SPATS2L: variants seen among roughly 807,000 people sequenced by gnomAD.
SPATS2L encodes spermatogenesis associated serine rich 2 like.
In SPATS2L, 30 loss-of-function variants were observed where a neutral mutation model predicts 59.6. That is an observed-to-expected ratio of 0.50 (90% CI 0.38 to 0.68). SPATS2L has a LOEUF of 0.68. SPATS2L is among the 30% of genes least tolerant of loss of function. The pLI is 0.00. For synonymous variants in SPATS2L, 252 were observed against 263.5 expected, an observed-to-expected ratio of 0.96 and a Z score of 0.42; for missense variants, 615 against 700.0, an observed-to-expected ratio of 0.88 and a Z score of 1.37.
rs146822617 is a variant in SPATS2L at position 200,412,633 on chromosome 2, C to T, written c.148+214C>T. 1.6e-3 allele frequency among the ~76,000 whole-genome samples: 237 copies of T among 150,246 alleles called. 2 individuals carry two copies. Among genetic ancestry groups the T allele is most frequent in the African/African-American group, 5.5e-3 (224 of 40,986 alleles). ...AAAAAAAAAAAAAAATAGACACACT[C>T]AATAAGAATAGAATTTGGAAGTTCT... On this transcript the variant is annotated intron_variant, in intron 4 of 12. Coordinates refer to ENST00000409140, the MANE Select transcript of SPATS2L (RefSeq NM_001100423.2).
chr2:200,313,724 C>T (rs554911424), intron 1 of SPATS2L, among the ~76,000 whole-genome samples: 8 of 152,190 alleles, frequency 5.3e-5, no homozygotes, highest in Non-Finnish European at 1.2e-4. Flanking sequence ...TACAGGTCCT[C>T]GTACACATCC....
At chr2:200,323,800 A>G (rs556563520) in intron 1 of SPATS2L, among the ~76,000 whole-genome samples, 1 of 152,342 alleles carries the variant, frequency 6.6e-6, no homozygotes, top group African/African-American at 2.4e-5. Context: ...TTACTCTTCA[A>G]TAAGAAAGGC....
At chr2:200,360,064 A>G (rs1490462644) in intron 2 of SPATS2L, among the ~76,000 whole-genome samples, 1 of 152,216 alleles carries the variant, frequency 6.6e-6, no homozygotes, top group Non-Finnish European at 1.5e-5. Context: ...ATATATTAAT[A>G]CAGAAGCACA....
intron 3 of SPATS2L, among the ~76,000 whole-genome samples, chr2:200,391,663 A>G (rs1488755202): frequency 6.6e-6 from 1 of 152,216 alleles, no homozygotes; most frequent in Non-Finnish European, 1.5e-5. Context: ...ACTGTGCTAC[A>G]TATTTTATAA....
intron 1 of SPATS2L, among the ~76,000 whole-genome samples, chr2:200,328,336 A>G (rs755671893): frequency 1.3e-5 from 2 of 152,164 alleles, no homozygotes; most frequent in African/African-American, 4.8e-5. Context: ...GGTGCCTAAC[A>G]TTGTGTTCAG....
At chr2:200,341,846 C>T (rs764828421) in intron 2 of SPATS2L, among the ~76,000 whole-genome samples, 1 of 151,824 alleles carries the variant, frequency 6.6e-6, no homozygotes, top group East Asian at 1.9e-4. Flanking sequence ...CCTGCCACCA[C>T]GCCCAGATAT....
intron 3 of SPATS2L, among the ~76,000 whole-genome samples, chr2:200,397,241 C>T (rs567960099): frequency 2.6e-5 from 4 of 152,296 alleles, no homozygotes; most frequent in African/African-American, 9.6e-5. Flanking sequence ...CTAAAGAATA[C>T]AAGAGCATGT....
chr2:200,389,081 T>C, intron 2 of SPATS2L, 142 bp from the exon 3 acceptor site: 1 of 600,240 alleles, frequency 1.7e-6, no homozygotes. Flanking sequence ...AGTCAGATGC[T>C]TAGCTTGAAA....
At chr2:200,368,085 A>G (rs1198950004) in intron 2 of SPATS2L, among the ~76,000 whole-genome samples, 1 of 152,206 alleles carries the variant, frequency 6.6e-6, no homozygotes, top group East Asian at 1.9e-4. Flanking sequence ...ACAGAAGGGA[A>G]ATGAGCTTTT....
At chr2:200,471,371 A>G (rs1343791802) in intron 11 of SPATS2L, among the ~76,000 whole-genome samples, 1 of 151,882 alleles carries the variant, frequency 6.6e-6, no homozygotes, top group Non-Finnish European at 1.5e-5. Context: ...CCTCTTTTCC[A>G]CTTCAGCCCT....
At chr2:200,418,348 G>A (rs1301136230) in intron 5 of SPATS2L, among the ~76,000 whole-genome samples, 2 of 152,090 alleles carry the variant, frequency 1.3e-5, no homozygotes, top group East Asian at 3.9e-4. Flanking sequence ...AGAGGCAAGA[G>A]AATCACTTGA....
chr2:200,406,911 T>C (rs2082706075), intron 3 of SPATS2L, among the ~76,000 whole-genome samples: 1 of 152,138 alleles, frequency 6.6e-6, no homozygotes. Context: ...AGTTACACCA[T>C]AGAGAAGGGA....
chr2:200,316,082 G>C (rs957713328), intron 1 of SPATS2L, among the ~76,000 whole-genome samples: 2 of 150,504 alleles, frequency 1.3e-5, no homozygotes, highest in African/African-American at 4.9e-5. Context: ...CGATGGAAAA[G>C]CCAACCTGTG....
intron 3 of SPATS2L, among the ~76,000 whole-genome samples, chr2:200,396,011 GA>G (rs1218853084): frequency 0.024 from 249 of 10,594 alleles, 2 homozygotes; most frequent in South Asian, 0.051. Context: ...ACTCGATCTG[GA>G]AAAAAAAAAA....
intron 4 of SPATS2L, among the ~76,000 whole-genome samples, chr2:200,413,223 A>G (rs1239611225): frequency 6.6e-6 from 1 of 152,170 alleles, no homozygotes; most frequent in African/African-American, 2.4e-5. Context: ...GTCTAAGAGG[A>G]CTGGTTTATT....
intron 2 of SPATS2L, among the ~76,000 whole-genome samples, chr2:200,341,283 C>A (rs1227591923): frequency 6.6e-6 from 1 of 152,162 alleles, no homozygotes; most frequent in African/African-American, 2.4e-5. Context: ...GGCAGTGTGA[C>A]TTCAGCACCT....
At chr2:200,332,171 AGGG>A (rs2079966130) in intron 2 of SPATS2L, among the ~76,000 whole-genome samples, 2 of 151,136 alleles carry the variant, frequency 1.3e-5, no homozygotes, top group Non-Finnish European at 3.0e-5. Flanking sequence ...AGAGAGGGAG[AGGG>A]AGAGGGAGAG....
At chr2:200,474,592 C>T (rs2087357841) in intron 12 of SPATS2L, among the ~76,000 whole-genome samples, 1 of 152,184 alleles carries the variant, frequency 6.6e-6, no homozygotes, top group Non-Finnish European at 1.5e-5. Context: ...CATGAGCCAC[C>T]ATGCCTGGCC....
intron 1 of SPATS2L, among the ~76,000 whole-genome samples, chr2:200,315,213 G>GC (rs1559032572): frequency 1.3e-5 from 2 of 152,150 alleles, no homozygotes; most frequent in Admixed American, 6.5e-5. Flanking sequence ...TCAGTCCAGA[G>GC]GTATGAAATG....
Sources: gnomAD v4.1 joint callset for allele counts (sites outside exome capture counted in the v4.1 genomes callset) on GRCh38, gnomAD v4.1.1 for gene constraint, MANE v1.5 for transcripts, NCBI Gene and HGNC (gene_info 2026-07-23, HGNC 2026-07-21) for gene names.